The following SYNRG variants were observed in gnomAD, a reference collection of about 807,000 sequenced individuals.
SYNRG encodes AP1 gamma subunit binding protein 1.
In SYNRG, 37 loss-of-function variants were observed where a neutral mutation model predicts 130.9. The ratio of observed to expected loss-of-function variants is 0.28; its 90% confidence interval spans 0.22 to 0.37. SYNRG has a LOEUF of 0.37. Among genes scored for constraint, SYNRG ranks in the 10% least tolerant of loss-of-function variants. SYNRG has a pLI of 1.00. For synonymous variants in SYNRG, 539 were observed against 568.1 expected (o/e 0.95, Z 0.73); for missense variants, 1,338 against 1,588.9 (o/e 0.84, Z 2.68).
At chr17:37,609,026 T>G (rs1213669305) in intron 1 of SYNRG, among the ~76,000 whole-genome samples, 2 of 34,492 alleles carry the variant, frequency 5.8e-5, no homozygotes, top group African/African-American at 2.4e-4. Flanking sequence ...TTCTCTCCCC[T>G]CCCACACTGG....
intron 1 of SYNRG, among the ~76,000 whole-genome samples, chr17:37,601,769 ATT>A (rs893374925): frequency 9.2e-5 from 14 of 152,088 alleles, no homozygotes; most frequent in Admixed American, 8.5e-4. Flanking sequence ...GGCTCAAGTG[ATT>A]CTACTGCCTC....
intron 15 of SYNRG, chr17:37,540,924 G>A (rs1233952816): frequency 1.9e-5 from 19 of 998,164 alleles, no homozygotes; most frequent in African/African-American, 5.2e-5. Flanking sequence ...GTGAGCCACC[G>A]CGCCCAGCCC....
intron 13 of SYNRG, among the ~76,000 whole-genome samples, chr17:37,555,868 T>C (rs1175595424): frequency 6.6e-6 from 1 of 152,106 alleles, no homozygotes; most frequent in Non-Finnish European, 1.5e-5. Context: ...ATCCCACCGC[T>C]GCACTCCAGC....
At chr17:37,564,446 A>G (rs565283762) in intron 11 of SYNRG, among the ~76,000 whole-genome samples, 138 of 152,368 alleles carry the variant, frequency 9.1e-4, no homozygotes, top group African/African-American at 3.2e-3. Flanking sequence ...AATTTATTCT[A>G]TACACAGTAG....
At chr17:37,571,515 G>A (rs1385193136) in intron 9 of SYNRG, among the ~76,000 whole-genome samples, 1 of 152,174 alleles carries the variant, frequency 6.6e-6, no homozygotes, top group Non-Finnish European at 1.5e-5. Flanking sequence ...CCGGGAGGCG[G>A]AAGCTGCAGT....
intron 1 of SYNRG, among the ~76,000 whole-genome samples, chr17:37,601,395 T>G (rs1266142822): frequency 6.6e-6 from 1 of 152,176 alleles, no homozygotes; most frequent in Non-Finnish European, 1.5e-5. Flanking sequence ...TTTCATTTTA[T>G]TTTGAATATT....
intron 15 of SYNRG, chr17:37,540,773 T>C: frequency 1.4e-6 from 1 of 733,736 alleles, no homozygotes; most frequent in Non-Finnish European, 1.9e-6. Flanking sequence ...TAGCTGGGAC[T>C]ACAGGTGCAC....
intron 14 of SYNRG, among the ~76,000 whole-genome samples, chr17:37,549,428 T>C (rs1053579083): frequency 6.6e-6 from 1 of 152,012 alleles, no homozygotes; most frequent in Non-Finnish European, 1.5e-5. Context: ...TTCTTAAAAA[T>C]AAGAATGGTT....
chr17:37,600,571 T>G, intron 1 of SYNRG, 168 bp from the exon 2 acceptor site: 5 of 744,496 alleles, frequency 6.7e-6, no homozygotes, highest in Non-Finnish European at 1.2e-5. Flanking sequence ...ATAGGATGCA[T>G]GTCAGCATGC....
intron 19 of SYNRG, 56 bp downstream of exon 19, chr17:37,535,923 T>C: frequency 6.2e-7 from 1 of 1,605,638 alleles, no homozygotes. Context: ...ACACTCTGCT[T>C]TACAACTTAG....
chr17:37,574,830 G>A (rs2060685549), intron 8 of SYNRG, among the ~76,000 whole-genome samples: 2 of 151,922 alleles, frequency 1.3e-5, no homozygotes, highest in Admixed American at 1.3e-4. Context: ...CAGCCACTAT[G>A]GAGAACAGTA....
At chr17:37,582,996 GTTTTT>G (rs999006626) in intron 6 of SYNRG, among the ~76,000 whole-genome samples, 1 of 145,246 alleles carries the variant, frequency 6.9e-6, no homozygotes, top group Non-Finnish European at 1.5e-5. Flanking sequence ...TAGGTTTTTG[GTTTTT>G]TTTTTTTGAG....
intron 1 of SYNRG, among the ~76,000 whole-genome samples, chr17:37,602,807 T>A (rs940850947): frequency 1.3e-5 from 2 of 152,156 alleles, no homozygotes; most frequent in African/African-American, 4.8e-5. Context: ...GCGGATCACT[T>A]GAGGCCAGGA....
intron 14 of SYNRG, among the ~76,000 whole-genome samples, chr17:37,550,054 GT>G (rs1423431603): frequency 6.6e-6 from 1 of 152,034 alleles, no homozygotes; most frequent in African/African-American, 2.4e-5. Flanking sequence ...CTAATAACTA[GT>G]TATTACATAA....
chr17:37,594,357 G>A (rs1167944874), intron 3 of SYNRG, among the ~76,000 whole-genome samples: 2 of 140,482 alleles, frequency 1.4e-5, no homozygotes, highest in Non-Finnish European at 3.1e-5. Context: ...TTTAAAATTT[G>A]TATCAATTGT....
intron 14 of SYNRG, among the ~76,000 whole-genome samples, chr17:37,545,229 A>T (rs111910596): frequency 0.033 from 4,929 of 151,322 alleles, 121 homozygotes; most frequent in African/African-American, 0.067. Context: ...CAAAAAAAAA[A>T]AATAATAATA....
chr17:37,541,013 T>A lies in SYNRG; in HGVS notation c.3203-470A>T, dbSNP rs1007269934. 6.1e-6 allele frequency: 6 copies of A among 986,772 alleles called. No homozygotes were observed. In the East Asian group the frequency reaches 5.7e-4, roughly 93 times the overall value. 61.1% of individuals were successfully genotyped at this position (986,772 alleles called of 1,614,324 possible). ...CATTCATTCTTTCTGGGAAGCTACA[T>A]GTTAAATCTTTTCTACTGTTCTCTC... On this transcript the variant is annotated intron_variant, in intron 15 of 21. Coordinates refer to ENST00000612223, the MANE Select transcript of SYNRG (RefSeq NM_007247.6).
At chr17:37,608,815 G>C (rs78448560) in intron 1 of SYNRG, among the ~76,000 whole-genome samples, 13 of 152,102 alleles carry the variant, frequency 8.5e-5, no homozygotes, top group Non-Finnish European at 1.2e-4. Flanking sequence ...GAGACAAATA[G>C]TCCACACACA....
intron 13 of SYNRG, among the ~76,000 whole-genome samples, chr17:37,556,733 A>T (rs1277294520): frequency 2.0e-5 from 3 of 152,176 alleles, no homozygotes; most frequent in South Asian, 2.1e-4. Context: ...AATTTCACAA[A>T]CTGACAGAAG....
Sources: allele counts gnomAD v4.1 joint callset (sites outside exome capture counted in the v4.1 genomes callset), GRCh38; gene constraint gnomAD v4.1.1; transcripts MANE v1.5; gene names NCBI Gene and HGNC (gene_info 2026-07-23, HGNC 2026-07-21).